Variants in SORCS1 observed in about 807,000 individuals in gnomAD.
SORCS1 encodes VPS10 domain-containing receptor SorCS1.
In SORCS1, 60 loss-of-function variants were observed where a neutral mutation model predicts 146.1. The observed-to-expected ratio is 0.41, with a 90% confidence interval of 0.33 to 0.51. The LOEUF (loss-of-function observed/expected upper bound fraction) is 0.51, where lower values mean the gene tolerates loss of function less well. Among genes scored for constraint, SORCS1 ranks in the 20% least tolerant of loss-of-function variants. The probability of loss-of-function intolerance (pLI) is 0.21; values close to 1 mark genes in which losing one functional copy is unlikely to be tolerated. For missense variants in SORCS1, 1,352 were observed against 1,487.6 expected (o/e 0.91, Z 1.50); for synonymous variants, 637 against 584.0 (o/e 1.09, Z -1.31).
chr10:106,627,905 G>T lies in SORCS1; in HGVS notation c.2662+1297C>A, dbSNP rs1033764557. 2.0e-5 allele frequency among the ~76,000 whole-genome samples: 3 copies of T among 152,322 alleles called. No individual in the cohort carries two copies. In the East Asian group the frequency reaches 5.8e-4, roughly 29 times the overall value. ...TGAAGCATGGTTCTGCTAGGTAGTAGGTGGGCCACTTCAAACAAGTAACTT... is the reference window on the plus strand; with the variant it reads ...TGAAGCATGGTTCTGCTAGGTAGTATGTGGGCCACTTCAAACAAGTAACTT... On this transcript the variant is annotated intron_variant, in intron 19 of 25. Transcript: ENST00000263054.
intron 19 of SORCS1, among the ~76,000 whole-genome samples, chr10:106,626,957 A>C (rs1287097272): frequency 6.6e-6 from 1 of 152,234 alleles, no homozygotes; most frequent in African/African-American, 2.4e-5. Flanking sequence ...ATTCCATTAC[A>C]AATTATCTTC....
At chr10:106,878,649 T>TATACATGTATATATATATATA (rs1491300730) in intron 2 of SORCS1, among the ~76,000 whole-genome samples, 1 of 137,870 alleles carries the variant, frequency 7.3e-6, no homozygotes, top group Admixed American at 7.2e-5. Context: ...TATATATATA[T>TATACATGTATATATATATATA]TTTATAGCAG....
chr10:107,036,307 T>C (rs1344974251), intron 1 of SORCS1, among the ~76,000 whole-genome samples: 1 of 152,220 alleles, frequency 6.6e-6, no homozygotes, highest in African/African-American at 2.4e-5. Flanking sequence ...GTAATGTGTA[T>C]AGGTTTTATG....
intron 14 of SORCS1, among the ~76,000 whole-genome samples, chr10:106,674,374 A>G (rs1851867106): frequency 7.4e-6 from 1 of 134,830 alleles, no homozygotes. Flanking sequence ...GTGGTAGGGG[A>G]GAGAATTAGC....
At chr10:106,609,682 AATCTGTTT>A (rs1846844299) in intron 22 of SORCS1, among the ~76,000 whole-genome samples, 1 of 152,220 alleles carries the variant, frequency 6.6e-6, no homozygotes, top group South Asian at 2.1e-4. Flanking sequence ...ATAATGAGTC[AATCTGTTT>A]ATTCTGCATA....
At chr10:107,078,025 A>G (rs1158747502) in intron 1 of SORCS1, among the ~76,000 whole-genome samples, 1 of 152,170 alleles carries the variant, frequency 6.6e-6, no homozygotes, top group Non-Finnish European at 1.5e-5. Context: ...GTTGTTTCCT[A>G]ATCACTTATG....
intron 14 of SORCS1, 86 bp from the exon 15 acceptor site, chr10:106,673,071 C>A: frequency 1.0e-6 from 1 of 984,288 alleles, no homozygotes; most frequent in Non-Finnish European, 1.6e-6. Context: ...GGGCGTTCAC[C>A]CTGAGCTAAG....
At chr10:107,123,623 A>T (rs1966529639) in intron 1 of SORCS1, among the ~76,000 whole-genome samples, 1 of 152,208 alleles carries the variant, frequency 6.6e-6, no homozygotes, top group Non-Finnish European at 1.5e-5. Context: ...AATTTAACTC[A>T]AAATGTAAGG....
intron 6 of SORCS1, among the ~76,000 whole-genome samples, chr10:106,726,846 G>A (rs373840214): frequency 1.5e-3 from 228 of 152,164 alleles, no homozygotes; most frequent in African/African-American, 5.0e-3. Flanking sequence ...CAGCACTTTG[G>A]GAGGCCGAGA....
At position 106,581,014 on chromosome 10, in the gene SORCS1, C is replaced by G. The variant is rs548647953; in HGVS notation, c.3266-1540G>C. 3.3e-5 allele frequency among the ~76,000 whole-genome samples: 5 copies of G among 152,200 alleles called. No individual in the cohort carries two copies. In the South Asian group the frequency reaches 1.0e-3, roughly 32 times the overall value. On this transcript the variant is annotated intron_variant, in intron 24 of 25. Transcript: ENST00000263054. ...TAAAAGATGGGTGGGGTCCCACTGC[C>G]GTGGAACGCCCAAGGCAAATTTTCT...
chr10:106,877,761 T>G (rs1393688094), intron 2 of SORCS1, among the ~76,000 whole-genome samples: 1 of 152,058 alleles, frequency 6.6e-6, no homozygotes, highest in Non-Finnish European at 1.5e-5. Context: ...TGAATCACCT[T>G]TGAAATGCAG....
chr10:106,926,636 A>C (rs1393504769), intron 2 of SORCS1, among the ~76,000 whole-genome samples: 2 of 152,196 alleles, frequency 1.3e-5, no homozygotes, highest in Admixed American at 1.3e-4. Flanking sequence ...AACTAACAAG[A>C]CAGTAAACAA....
At chr10:107,014,278 G>GA (rs749134517) in intron 1 of SORCS1, among the ~76,000 whole-genome samples, 18,965 of 137,594 alleles carry the variant, frequency 0.14, 4,242 homozygotes, top group African/African-American at 0.49. Flanking sequence ...AAAAAGAAAA[G>GA]AAAAAAAGAG....
chr10:107,002,629 T>C (rs1957266573), intron 1 of SORCS1, among the ~76,000 whole-genome samples: 1 of 152,218 alleles, frequency 6.6e-6, no homozygotes, highest in African/African-American at 2.4e-5. Flanking sequence ...AATTGTATGT[T>C]TGCTGGAATT....
chr10:106,709,602 C>T (rs186715577), intron 6 of SORCS1, among the ~76,000 whole-genome samples: 18 of 152,190 alleles, frequency 1.2e-4, no homozygotes, highest in Non-Finnish European at 2.2e-4. Context: ...GCATCCACCA[C>T]AATGCCCGGC....
chr10:106,604,555 C>T (rs1237905233), intron 23 of SORCS1, among the ~76,000 whole-genome samples: 1 of 152,150 alleles, frequency 6.6e-6, no homozygotes, highest in South Asian at 2.1e-4. Context: ...CTGGCATTTT[C>T]CTTAAACAAA....
intron 2 of SORCS1, among the ~76,000 whole-genome samples, chr10:106,846,705 A>C (rs1221076240): frequency 1.1e-4 from 1 of 8,970 alleles, no homozygotes; most frequent in Non-Finnish European, 2.1e-4. Flanking sequence ...ATTCAGTATG[A>C]TATTGGCTGT....
At chr10:107,054,643 C>A (rs913495817) in intron 1 of SORCS1, among the ~76,000 whole-genome samples, 7 of 152,106 alleles carry the variant, frequency 4.6e-5, no homozygotes, top group African/African-American at 1.7e-4. Context: ...CAGTCTGGGG[C>A]AGGCAGTGAA....
intron 6 of SORCS1, among the ~76,000 whole-genome samples, chr10:106,718,630 G>C (rs1432944081): frequency 6.6e-6 from 1 of 152,264 alleles, no homozygotes; most frequent in Non-Finnish European, 1.5e-5. Context: ...GGGAACCCGA[G>C]TGGGTTGCCA....
Sources: gnomAD v4.1 joint callset for allele counts (sites outside exome capture counted in the v4.1 genomes callset) on GRCh38, gnomAD v4.1.1 for gene constraint, MANE v1.5 for transcripts, NCBI Gene and HGNC (gene_info 2026-07-23, HGNC 2026-07-21) for gene names.